The following CSNK1A1 variants were observed in gnomAD, a reference collection of about 807,000 sequenced individuals.
CSNK1A1 encodes the protein casein kinase 1 alpha 1, also known as casein kinase I isoform alpha.
Under a neutral mutation model 46.1 loss-of-function variants are expected in CSNK1A1, and 7 were observed. The observed-to-expected ratio is 0.15, with a 90% CI of 0.09 to 0.29. The LOEUF (loss-of-function observed/expected upper bound fraction) is 0.29, where lower values mean the gene tolerates loss of function less well. Ranked by LOEUF, CSNK1A1 falls within the 10% of genes least tolerant of loss-of-function variation. The pLI is 1.00. For synonymous variants in CSNK1A1, 137 were observed against 141.5 expected (o/e 0.97, Z 0.23); for missense variants, 96 against 417.1 (o/e 0.23, Z 6.71).
rs375807950 is a variant in CSNK1A1 at position 149,538,551 on chromosome 5, C to A, written c.230+11524G>T. 3.3e-4 allele frequency among the ~76,000 whole-genome samples: 51 copies of A among 152,276 alleles called. 1 individual carries two copies. In the South Asian group the frequency reaches 5.2e-3, roughly 15 times the overall value. ...TTATGGAGGTTCAAAAATGGGAACA[C>A]TAGGATTTCTGTAAGTACAGCTTGG... On this transcript the variant is annotated intron_variant, in intron 2 of 9. Transcript: ENST00000377843.
rs1448653925 is a variant in CSNK1A1, at chr5:149,550,474, T to C, written c.124-293A>G. The C allele has an allele frequency of 2.7e-6, 1 of 376,432 alleles. No homozygotes were observed. Among genetic ancestry groups the C allele is most frequent in the East Asian group, 1.7e-4 (1 of 6,016 alleles). 23.3% of individuals were successfully genotyped at this position (376,432 alleles called of 1,614,324 possible). A position where few individuals can be genotyped will look rare whatever the true frequency, so the allele number is the denominator to read the frequency against. On this transcript the variant is annotated intron_variant, in intron 1 of 9. Transcript: ENST00000377843. This position sits in a 1 kb window ranked among gnomAD's most constrained non-coding sequence, Gnocchi z 4.3. ...TTTAAGGAACTAGGCGATCGGAAACTGTTCTAATTGGAACAAGAGGCCCAG... is the reference window on the plus strand; with the variant it reads ...TTTAAGGAACTAGGCGATCGGAAACCGTTCTAATTGGAACAAGAGGCCCAG...
rs560745588 is a variant in CSNK1A1 at position 149,499,473 on chromosome 5, T to C, written c.1007-2613A>G. Among the ~76,000 whole-genome samples the C allele has an allele frequency of 3.9e-5, 6 of 152,300 alleles. No individual in the cohort carries two copies. In the South Asian group the frequency reaches 1.2e-3, roughly 32 times the overall value. On this transcript the variant is annotated intron_variant, in intron 9 of 9. Transcript: ENST00000377843. ...CACCCAATCTGAAATCTAAAATGTA[T>C]GCTCTGGCCCAGACGAGGTGGCTCA...
chr5:149,545,388 C>T, intron 2 of CSNK1A1: 1 of 472,136 alleles, frequency 2.1e-6, no homozygotes, highest in South Asian at 3.4e-5. Context: ...GATACCTACT[C>T]CGAAGCCTTT....
intron 2 of CSNK1A1, among the ~76,000 whole-genome samples, chr5:149,538,211 G>A (rs1269283628): frequency 9.2e-5 from 14 of 151,746 alleles, no homozygotes; most frequent in African/African-American, 2.4e-4. Flanking sequence ...TAGTAGAGAC[G>A]GGGTTTCTCC....
At position 149,550,309 on chromosome 5, in the gene CSNK1A1, A is replaced by C; in HGVS notation, c.124-128T>G. ...AAGAAGTGAAAAGCTGGAAAGAGAAAGCTCTCGGTAATTATAAAACGAGGC... is the reference window on the plus strand; with the variant it reads ...AAGAAGTGAAAAGCTGGAAAGAGAACGCTCTCGGTAATTATAAAACGAGGC... On this transcript the variant is annotated intron_variant, in intron 1 of 9. Coordinates refer to ENST00000377843, the MANE Select transcript of CSNK1A1 (RefSeq NM_001892.6). This position sits in a 1 kb window ranked among gnomAD's most constrained non-coding sequence, Gnocchi z 4.3. The C allele has an allele frequency of 6.8e-7, 1 of 1,468,966 alleles. No individual in the cohort carries two copies. The highest frequency in any genetic ancestry group is 9.0e-7 in the Non-Finnish European group (1 of 1,115,568). 91.0% of individuals were successfully genotyped at this position (1,468,966 alleles called of 1,614,324 possible).
At chr5:149,502,707 G>C (rs1205336755) in intron 9 of CSNK1A1, 1 of 984,304 alleles carries the variant, frequency 1.0e-6, no homozygotes, top group East Asian at 1.1e-4. Context: ...CCAGTAGGAT[G>C]TTTTCATCAT....
Position 149,529,253 on chromosome 5 carries a change from GAGTTCA to G in CSNK1A1, c.231-4088_231-4083del, listed in dbSNP as rs139462622. 9.6e-3 allele frequency among the ~76,000 whole-genome samples: 1,462 copies of G among 152,212 alleles called. 18 individuals are homozygous for G. The highest frequency in any genetic ancestry group is 0.033 in the African/African-American group (1,366 of 41,510). The stretch of plus-strand genomic sequence containing the variant: ...GTTACCTAAAACTAGGCTGAAGAAT[GAGTTCA>G]TAATTTACACAACCATTATTACTTA... On this transcript the variant is annotated intron_variant, in intron 2 of 9. Transcript: ENST00000377843.
chr5:149,518,217 CA>C (rs1253500974), intron 4 of CSNK1A1, among the ~76,000 whole-genome samples: 8 of 151,680 alleles, frequency 5.3e-5, no homozygotes, highest in Non-Finnish European at 1.0e-4. Context: ...CCTTCCCCCC[CA>C]AAAAAATATT....
intron 4 of CSNK1A1, among the ~76,000 whole-genome samples, chr5:149,515,872 T>C (rs951748424): frequency 1.4e-4 from 21 of 152,244 alleles, no homozygotes; most frequent in Admixed American, 6.5e-5. Context: ...ATTTTTACTA[T>C]AGGCTTTTAT....
chr5:149,523,143 T>TG (rs1761624720), intron 3 of CSNK1A1, among the ~76,000 whole-genome samples: 1 of 151,278 alleles, frequency 6.6e-6, no homozygotes, highest in Admixed American at 6.6e-5. Context: ...TGGGTTCATG[T>TG]GATTCTCATG....
At position 149,509,957 on chromosome 5, in the gene CSNK1A1, T is replaced by C. The variant is rs1308167517; in HGVS notation, c.676-4A>G. 3.8e-6 allele frequency: 6 copies of C among 1,590,848 alleles called. No individual in the cohort carries two copies. The highest frequency in any genetic ancestry group is 5.2e-6 in the Non-Finnish European group (6 of 1,164,638). ...ATTTTTGTTTCTTTGTTGCAGCCTG[T>C]GGAAAAGAATAAAATAAAAAAGATA... On this transcript the variant is annotated splice_polypyrimidine_tract_variant and splice_region_variant and intron_variant, in intron 6 of 9. Coordinates refer to ENST00000377843, the MANE Select transcript of CSNK1A1 (RefSeq NM_001892.6).
chr5:149,524,573 C>T (rs916028212), intron 3 of CSNK1A1, among the ~76,000 whole-genome samples: 7 of 152,112 alleles, frequency 4.6e-5, no homozygotes, highest in Admixed American at 2.0e-4. Flanking sequence ...GTTGAGAATC[C>T]ATTACTCCAA....
chr5:149,499,976 T>TC (rs1187205287), intron 9 of CSNK1A1, among the ~76,000 whole-genome samples: 8 of 128,200 alleles, frequency 6.2e-5, no homozygotes, highest in Non-Finnish European at 9.9e-5. Context: ...TCTTTTTTTT[T>TC]TTTTTTTTTT....
intron 9 of CSNK1A1, 165 bp from the exon 10 acceptor site, chr5:149,497,025 A>C (rs1177384687): frequency 7.0e-7 from 1 of 1,431,580 alleles, no homozygotes; most frequent in African/African-American, 1.4e-5. Flanking sequence ...ACAGAAAAAC[A>C]TGAATCTATA....
At chr5:149,548,137 C>T (rs1006236069) in intron 2 of CSNK1A1, among the ~76,000 whole-genome samples, 4 of 152,078 alleles carry the variant, frequency 2.6e-5, no homozygotes, top group African/African-American at 7.2e-5. Context: ...TCCCAAAGTG[C>T]TTGGATTACA....
chr5:149,516,189 G>A (rs1003347412), intron 4 of CSNK1A1, among the ~76,000 whole-genome samples: 5 of 151,990 alleles, frequency 3.3e-5, no homozygotes, highest in Non-Finnish European at 7.4e-5. Flanking sequence ...GCATGGTGGC[G>A]CATACCTGTA....
At position 149,504,871 on chromosome 5, in the gene CSNK1A1, G is replaced by A. The variant is rs538632186; in HGVS notation, c.1006+576C>T. The A allele has an allele frequency of 3.5e-5, 34 of 985,396 alleles. No homozygotes were observed. The African/African-American group carries it at 5.2e-4, about 15-fold the overall frequency. The allele number at this position is 985,396 out of a possible 1,614,324, so 61.0% of individuals were successfully genotyped here. A position where few individuals can be genotyped will look rare whatever the true frequency, so the allele number is the denominator to read the frequency against. The stretch of plus-strand genomic sequence containing the variant: ...TGTGCTGAGCTTTGCATTTATTTGA[G>A]CATTTAAGAGAGAAAATGAGATGCT... On this transcript the variant is annotated intron_variant, in intron 9 of 9. Coordinates refer to ENST00000377843, the MANE Select transcript of CSNK1A1 (RefSeq NM_001892.6).
intron 2 of CSNK1A1, among the ~76,000 whole-genome samples, chr5:149,544,358 G>T (rs766227722): frequency 2.0e-5 from 3 of 151,916 alleles, no homozygotes; most frequent in African/African-American, 7.3e-5. Context: ...AGAATTTTTC[G>T]GTATGTCATA....
chr5:149,526,722 T>C (rs1212142321), intron 2 of CSNK1A1, among the ~76,000 whole-genome samples: 2 of 152,152 alleles, frequency 1.3e-5, no homozygotes, highest in African/African-American at 4.8e-5. Context: ...GGGCACCCAT[T>C]AACCCTTGAT....
Sources: allele counts gnomAD v4.1 joint callset (sites outside exome capture counted in the v4.1 genomes callset), GRCh38; gene constraint gnomAD v4.1.1; non-coding constraint Gnocchi (gnomAD v3.1); transcripts MANE v1.5; gene names NCBI Gene and HGNC (gene_info 2026-07-23, HGNC 2026-07-21).